The following TCF25 variants were observed in gnomAD, a reference collection of about 807,000 sequenced individuals.
TCF25 encodes TCF25 ribosome quality control complex subunit.
A neutral mutation model predicts 83.1 loss-of-function variants in TCF25; 41 were observed. The ratio of observed to expected loss-of-function variants is 0.49; its 90% CI spans 0.38 to 0.64. The LOEUF (loss-of-function observed/expected upper bound fraction) is 0.64. Among genes scored for constraint, TCF25 ranks in the 30% least tolerant of loss-of-function variants. The pLI is 0.00. For missense variants in TCF25, 979 were observed against 914.5 expected (o/e 1.07, Z -0.91); for synonymous variants, 458 against 365.0 (o/e 1.25, Z -2.90).
At chr16:89,906,352 G>A (rs2044780395) in intron 15 of TCF25, 68 bp downstream of exon 15, 1 of 1,523,588 alleles carries the variant, frequency 6.6e-7, no homozygotes, top group Non-Finnish European at 9.0e-7. Context: ...TCTGCTCCGG[G>A]CGGTCCACAT....
chr16:89,911,060 G>C lies in TCF25; in HGVS notation c.1873-20G>C, dbSNP rs751646029. 1 of 1,610,210 alleles carries C rather than the reference G, an allele frequency of 6.2e-7. No homozygotes were observed. Among genetic ancestry groups the C allele is most frequent in the Admixed American group, 1.7e-5 (1 of 60,002 alleles). On this transcript the variant is annotated intron_variant, in intron 17 of 17. Coordinates refer to ENST00000263346, the MANE Select transcript of TCF25 (RefSeq NM_014972.3). ...CCCAGCACAGACAGCCCCCTTCTCA[G>C]ACATGTCCCCTTGCTGCAGGGGGAG... is the stretch of plus-strand genomic sequence containing the variant.
At chr16:89,885,815 G>T in intron 3 of TCF25, 33 bp from the exon 4 acceptor site, 1 of 1,489,498 alleles carries the variant, frequency 6.7e-7, no homozygotes, top group Non-Finnish European at 9.4e-7. Flanking sequence ...TAATGTCAGT[G>T]TGGTGATTAA....
rs191814837 is a variant in TCF25, at chr16:89,904,155, C to G, written c.1419C>G (p.Pro473=). 3.3e-5 allele frequency: 53 copies of G among 1,605,132 alleles called. No individual in the cohort carries two copies. Among genetic ancestry groups the G allele is most frequent in the Non-Finnish European group, 4.3e-5 (50 of 1,176,030 alleles). The change falls in exon 13 of 18, where the codon CCC becomes CCG. Residue 473 remains proline (P), a synonymous_variant. Coordinates refer to ENST00000263346, the MANE Select transcript of TCF25 (RefSeq NM_014972.3). ...LPLLESCSVR[P]DASVSSHRFF... ...TGCTCGAGTCTTGCAGTGTGCGGCC[C>G]GACGCCAGCGTTTCCAGTCACCGCT...
In TCF25 at chr16:89,883,337, A is replaced by G. The variant is rs1246977117; in HGVS notation, c.193-14A>G. 6.2e-7 allele frequency: 1 copy of G among 1,611,914 alleles called. No homozygotes were observed. Among genetic ancestry groups the G allele is most frequent in the Non-Finnish European group, 8.5e-7 (1 of 1,178,172 alleles). ...TAAGTAACGCCCTGGCTCTTCTCCA[A>G]CCTGTTTTTCCAGATAAACATTGAC... On this transcript the variant is annotated splice_polypyrimidine_tract_variant and intron_variant, in intron 1 of 17. Coordinates refer to ENST00000263346, the MANE Select transcript of TCF25 (RefSeq NM_014972.3).
In TCF25 at chr16:89,911,249, A is replaced by G. The variant is rs543791827; in HGVS notation, c.*11A>G. 1 of 1,611,700 alleles carries G rather than the reference A, an allele frequency of 6.2e-7. No individual in the cohort carries two copies. The highest frequency in any genetic ancestry group is 1.3e-5 in the African/African-American group (1 of 74,998). On this transcript the variant is annotated 3_prime_UTR_variant, in exon 18 of 18. Coordinates refer to ENST00000263346, the MANE Select transcript of TCF25 (RefSeq NM_014972.3). ...GGGGAGTGGGACTGAGCGTCCGCAGAGGTGACCGAAAAGCCGTATGATGAT... is the reference window on the plus strand; with the variant it reads ...GGGGAGTGGGACTGAGCGTCCGCAGGGGTGACCGAAAAGCCGTATGATGAT...
intron 1 of TCF25, among the ~76,000 whole-genome samples, chr16:89,874,377 T>C (rs1158241608): frequency 1.6e-5 from 2 of 127,098 alleles, no homozygotes; most frequent in Admixed American, 8.0e-5. Flanking sequence ...ACCGTGGGGG[T>C]GGGGCCACGG....
Position 89,911,150 on chromosome 16 carries a change from CTG to C in TCF25, c.1946_1947del (p.Val649AlafsTer21). The C allele has an allele frequency of 6.2e-7, 1 of 1,612,116 alleles. No individual in the cohort carries two copies. Among genetic ancestry groups the C allele is most frequent in the Non-Finnish European group, 8.5e-7 (1 of 1,179,982 alleles). On this transcript the variant is annotated frameshift_variant, in exon 18 of 18. Transcript: ENST00000263346. LOFTEE classifies it high-confidence loss of function. ...CAGGGCCTGAACAGGCTGATGCTGG[CTG>C]TGCGCGACATGATGGCCAACTTCCA...
intron 6 of TCF25, 42 bp from the exon 7 acceptor site, chr16:89,893,686 C>G (rs368757172): frequency 3.5e-5 from 56 of 1,612,386 alleles, no homozygotes; most frequent in Non-Finnish European, 4.1e-5. Flanking sequence ...TGCCCACGTC[C>G]CTGCTCCCGG....
intron 1 of TCF25, among the ~76,000 whole-genome samples, chr16:89,876,581 A>G (rs2042207097): frequency 6.6e-6 from 1 of 152,160 alleles, no homozygotes; most frequent in Non-Finnish European, 1.5e-5. Context: ...ACCTGAGGTC[A>G]GGAGTTCGAG....
At chr16:89,904,639 C>T in intron 13 of TCF25, 1 of 535,512 alleles carries the variant, frequency 1.9e-6, no homozygotes. Context: ...TGGGGTCATC[C>T]CCTGGCCCTC....
intron 16 of TCF25, chr16:89,908,919 A>G (rs1567747098): frequency 6.2e-6 from 8 of 1,287,176 alleles, no homozygotes; most frequent in Non-Finnish European, 8.1e-6. Flanking sequence ...TCAGACCCAG[A>G]TGCTGAGAGA....
intron 1 of TCF25, chr16:89,874,836 A>C (rs1325604852): frequency 6.6e-6 from 1 of 151,176 alleles, no homozygotes; most frequent in African/African-American, 2.4e-5. Flanking sequence ...CTGGTCTAGA[A>C]CTTCTGCGCT....
intron 13 of TCF25, chr16:89,904,577 C>G: frequency 2.0e-6 from 1 of 487,878 alleles, no homozygotes; most frequent in Non-Finnish European, 3.8e-6. Context: ...GACCCCGTCT[C>G]AAAAAACAAA....
chr16:89,909,004 C>T (rs867852906), intron 16 of TCF25: 1 of 1,289,496 alleles, frequency 7.8e-7, no homozygotes, highest in African/African-American at 1.5e-5. Flanking sequence ...ATTTGGGGGT[C>T]ACAGCTCTGC....
chr16:89,895,301 T>C (rs774625002), intron 8 of TCF25, among the ~76,000 whole-genome samples, 164 bp downstream of exon 8: 3 of 152,168 alleles, frequency 2.0e-5, no homozygotes, highest in Non-Finnish European at 4.4e-5. Flanking sequence ...AGTTTTTGTT[T>C]GTTGGTGTTT....
At chr16:89,908,644 C>G (rs1567745974) in intron 16 of TCF25, among the ~76,000 whole-genome samples, 3 of 98,120 alleles carry the variant, frequency 3.1e-5, no homozygotes, top group African/African-American at 9.1e-5. Flanking sequence ...CTCCCACCTC[C>G]CAGCTCCCAC....
At chr16:89,904,262 G>T in intron 13 of TCF25, 57 bp downstream of exon 13, 1 of 1,538,800 alleles carries the variant, frequency 6.5e-7, no homozygotes, top group Non-Finnish European at 8.8e-7. Context: ...GAGCCTGGGA[G>T]CCATTTTCAC....
At chr16:89,908,851 C>G (rs2045304680) in intron 16 of TCF25, 1 of 1,122,376 alleles carries the variant, frequency 8.9e-7, no homozygotes, top group Non-Finnish European at 1.1e-6. Context: ...CAGCTCCCAG[C>G]TCTCTCCTGC....
chr16:89,909,256 A>G, intron 16 of TCF25: 1 of 866,330 alleles, frequency 1.2e-6, no homozygotes, highest in Non-Finnish European at 1.6e-6. Context: ...TCACGCCTGT[A>G]ATTCCAGCAG....
Sources: gnomAD v4.1 joint callset for allele counts (sites outside exome capture counted in the v4.1 genomes callset) on GRCh38, gnomAD v4.1.1 for gene constraint, MANE v1.5 for transcripts, NCBI Gene and HGNC (gene_info 2026-07-23, HGNC 2026-07-21) for gene names.